NCOA2: variants seen among roughly 807,000 people sequenced by gnomAD.
NCOA2 encodes the protein class E basic helix-loop-helix protein 75.
Under a neutral mutation model 145.1 loss-of-function variants are expected in NCOA2, and 21 were observed. The observed-to-expected ratio is 0.14, with a 90% CI of 0.10 to 0.21. The LOEUF is 0.21. Ranked by LOEUF, NCOA2 falls within the 10% of genes least tolerant of loss-of-function variation. NCOA2 has a pLI of 1.00. For missense variants in NCOA2, 1,472 were observed against 1,837.6 expected (o/e 0.80, Z 3.64); for synonymous variants, 619 against 637.5 (o/e 0.97, Z 0.44).
chr8:70,351,200 A>G (rs1397238359), intron 1 of NCOA2, among the ~76,000 whole-genome samples: 1 of 152,230 alleles, frequency 6.6e-6, no homozygotes, highest in Non-Finnish European at 1.5e-5. Context: ...CCTGAGTTTT[A>G]GAGAGGGCAT....
intron 1 of NCOA2, among the ~76,000 whole-genome samples, chr8:70,299,998 T>C (rs1222121343): frequency 1.3e-5 from 2 of 152,120 alleles, no homozygotes; most frequent in Non-Finnish European, 2.9e-5. Context: ...CTCAAAAACA[T>C]TATGCTAAAT....
At chr8:70,242,660 T>A (rs1373639006) in intron 2 of NCOA2, among the ~76,000 whole-genome samples, 1 of 152,132 alleles carries the variant, frequency 6.6e-6, no homozygotes. Context: ...CTGAATCTTA[T>A]ATTCCCTTGG....
intron 4 of NCOA2, among the ~76,000 whole-genome samples, chr8:70,177,617 C>A (rs993702733): frequency 6.6e-6 from 1 of 152,166 alleles, no homozygotes; most frequent in African/African-American, 2.4e-5. Context: ...TTCCTAAAAA[C>A]TGGTCTTAAA....
chr8:70,323,882 G>A (rs186169546), intron 1 of NCOA2, among the ~76,000 whole-genome samples: 2 of 152,180 alleles, frequency 1.3e-5, no homozygotes, highest in Non-Finnish European at 2.9e-5. Flanking sequence ...CCATATGGTA[G>A]GTTAACATGG....
chr8:70,124,938 A>G, intron 19 of NCOA2, 73 bp from the exon 20 acceptor site: 1 of 1,350,530 alleles, frequency 7.4e-7, no homozygotes, highest in Non-Finnish European at 1.0e-6. Flanking sequence ...TGGGGGGGAA[A>G]GAACATTCCA....
At chr8:70,305,509 TA>T (rs960951338) in intron 1 of NCOA2, among the ~76,000 whole-genome samples, 6 of 152,136 alleles carry the variant, frequency 3.9e-5, no homozygotes, top group African/African-American at 1.4e-4. Context: ...ACAATTTATC[TA>T]AAGTCAAAAA....
At chr8:70,341,974 A>T (rs1053482384) in intron 1 of NCOA2, among the ~76,000 whole-genome samples, 2 of 152,218 alleles carry the variant, frequency 1.3e-5, no homozygotes, top group Admixed American at 6.5e-5. Flanking sequence ...ATAACTAATT[A>T]AAAAGCTCTG....
intron 1 of NCOA2, among the ~76,000 whole-genome samples, chr8:70,368,651 C>T (rs1418248182): frequency 6.6e-6 from 1 of 152,116 alleles, no homozygotes; most frequent in Non-Finnish European, 1.5e-5. Context: ...CACTGTATTT[C>T]TTAAGTGTCA....
chr8:70,417,408 G>C, the NCOA2 span, among the ~76,000 whole-genome samples: 1 of 151,898 alleles, frequency 6.6e-6, no homozygotes. Flanking sequence ...AATTTGTCAG[G>C]CATGGTGGTG....
intron 2 of NCOA2, among the ~76,000 whole-genome samples, chr8:70,263,505 T>G (rs946419662): frequency 6.6e-6 from 1 of 152,044 alleles, no homozygotes; most frequent in Non-Finnish European, 1.5e-5. Flanking sequence ...TCACCAAAGT[T>G]GATCTGATAT....
At chr8:70,155,386 G>C (rs889039439) in intron 11 of NCOA2, among the ~76,000 whole-genome samples, 1 of 152,180 alleles carries the variant, frequency 6.6e-6, no homozygotes, top group Non-Finnish European at 1.5e-5. Context: ...AGGTAAATAA[G>C]AAATAATTCA....
At chr8:70,392,030 A>AG (rs1404571901) in intron 1 of NCOA2, among the ~76,000 whole-genome samples, 3 of 152,218 alleles carry the variant, frequency 2.0e-5, no homozygotes, top group Non-Finnish European at 4.4e-5. Context: ...AGAGGGTAGG[A>AG]GGAGAAATTA....
At chr8:70,326,353 T>C (rs557375893) in intron 1 of NCOA2, among the ~76,000 whole-genome samples, 30 of 152,136 alleles carry the variant, frequency 2.0e-4, no homozygotes, top group African/African-American at 7.0e-4. Flanking sequence ...ATTTCACTGT[T>C]AGTTCAAAAT....
At chr8:70,435,743 CTCTT>C in the NCOA2 span, among the ~76,000 whole-genome samples, 21 of 151,218 alleles carry the variant, frequency 1.4e-4, no homozygotes, top group South Asian at 8.3e-4. Context: ...TGATCTTCCT[CTCTT>C]TCTTTTCTTT....
chr8:70,146,751 A>G (rs1811108946), intron 12 of NCOA2, among the ~76,000 whole-genome samples: 1 of 151,898 alleles, frequency 6.6e-6, no homozygotes, highest in Non-Finnish European at 1.5e-5. Flanking sequence ...GGTGGAGTGC[A>G]ATGGCATGAT....
chr8:70,250,433 G>A (rs888894957), intron 2 of NCOA2, among the ~76,000 whole-genome samples: 4 of 149,478 alleles, frequency 2.7e-5, no homozygotes, highest in East Asian at 2.0e-4. Flanking sequence ...TCAGCCGAGC[G>A]TGGTGGCACG....
chr8:70,255,264 A>C (rs1368853497), intron 2 of NCOA2, among the ~76,000 whole-genome samples: 2 of 152,232 alleles, frequency 1.3e-5, no homozygotes, highest in Non-Finnish European at 2.9e-5. Context: ...TAGTTTGGTA[A>C]GTGAAATTAC....
At chr8:70,207,520 G>A (rs758184736) in intron 4 of NCOA2, among the ~76,000 whole-genome samples, 8 of 152,170 alleles carry the variant, frequency 5.3e-5, no homozygotes, top group African/African-American at 1.4e-4. Flanking sequence ...GAAAATGTGC[G>A]AAAATGAATT....
chr8:70,117,351 C>A (rs1471764586), intron 22 of NCOA2, among the ~76,000 whole-genome samples: 1 of 152,234 alleles, frequency 6.6e-6, no homozygotes, highest in Admixed American at 6.5e-5. Context: ...ACCTTAAATA[C>A]CTACGAAGGG....
Sources: gnomAD v4.1 joint callset for allele counts (sites outside exome capture counted in the v4.1 genomes callset) on GRCh38, gnomAD v4.1.1 for gene constraint, MANE v1.5 for transcripts, NCBI Gene and HGNC (gene_info 2026-07-23, HGNC 2026-07-21) for gene names.